The following ARSJ variants were observed in gnomAD, a reference collection of about 807,000 sequenced individuals.
The protein encoded by ARSJ is arylsulfatase family member J.
In ARSJ, 26 loss-of-function variants were observed where a neutral mutation model predicts 35.9. The ratio of observed to expected loss-of-function variants is 0.72; its 90% CI spans 0.53 to 1.00. The LOEUF (loss-of-function observed/expected upper bound fraction) is 1.00. ARSJ is among the 50% of genes least tolerant of loss of function. The probability of loss-of-function intolerance (pLI) is 0.00; values close to 1 mark genes in which losing one functional copy is unlikely to be tolerated. For missense variants in ARSJ, 667 were observed against 723.6 expected (o/e 0.92, Z 0.90); for synonymous variants, 294 against 267.6 (o/e 1.10, Z -0.96).
rs1723369082 is a variant in ARSJ at position 113,917,259 on chromosome 4, T to C, written c.399-13584A>G. Among the ~76,000 whole-genome samples the C allele has an allele frequency of 2.0e-5, 3 of 152,226 alleles. No individual in the cohort carries two copies. In the South Asian group the frequency reaches 6.2e-4, roughly 32 times the overall value. ...TCCTGTACCAATGAGAGGAATCATG[T>C]GTCCTCATGGTATGCCTTGCCTGCC... On this transcript the variant is annotated intron_variant, in intron 1 of 1. Coordinates refer to ENST00000315366, the MANE Select transcript of ARSJ (RefSeq NM_024590.4).
intron 1 of ARSJ, among the ~76,000 whole-genome samples, chr4:113,969,751 C>G (rs1727125613): frequency 6.6e-6 from 1 of 152,182 alleles, no homozygotes. Flanking sequence ...TATTTCTTCT[C>G]AATCACATTG....
intron 1 of ARSJ, among the ~76,000 whole-genome samples, chr4:113,935,965 C>T (rs1373016758): frequency 6.6e-6 from 1 of 151,906 alleles, no homozygotes; most frequent in Non-Finnish European, 1.5e-5. Context: ...TAAATATATG[C>T]AGAAGTGAAG....
chr4:113,914,717 A>G (rs746961314), intron 1 of ARSJ, among the ~76,000 whole-genome samples: 8 of 152,348 alleles, frequency 5.3e-5, no homozygotes, highest in Non-Finnish European at 1.2e-4. Flanking sequence ...AGAAAAAATT[A>G]TCACAAGTCT....
intron 1 of ARSJ, among the ~76,000 whole-genome samples, chr4:113,927,961 A>G (rs1201795551): frequency 6.6e-6 from 1 of 152,148 alleles, no homozygotes; most frequent in Non-Finnish European, 1.5e-5. Flanking sequence ...CCTACCAGTC[A>G]GGAAGCCAAT....
At chr4:113,911,142 G>A (rs760818243) in intron 1 of ARSJ, among the ~76,000 whole-genome samples, 4 of 152,176 alleles carry the variant, frequency 2.6e-5, no homozygotes, top group Non-Finnish European at 4.4e-5. Flanking sequence ...GTTTCAGTGA[G>A]AGAAGCAGAA....
In ARSJ at chr4:113,963,875, A is replaced by T. The variant is rs76725750; in HGVS notation, c.398+14562T>A. On this transcript the variant is annotated intron_variant, in intron 1 of 1. Transcript: ENST00000315366. Reference sequence around the variant, plus strand: ...TAACCTTGGGAGTTTCCTTTATGTAATTAAGAAATAATCACACTCAGCTAC... The same window carrying T: ...TAACCTTGGGAGTTTCCTTTATGTATTTAAGAAATAATCACACTCAGCTAC... Among the ~76,000 whole-genome samples, 1,940 of 152,186 alleles carry T rather than the reference A, an allele frequency of 0.013. 104 individuals carry two copies. In the East Asian group the frequency reaches 0.15, roughly 11 times the overall value.
chr4:113,911,114 T>C (rs144814301), intron 1 of ARSJ, among the ~76,000 whole-genome samples: 273 of 152,052 alleles, frequency 1.8e-3, no homozygotes, highest in Non-Finnish European at 3.2e-3. Context: ...AGGTGAAGAG[T>C]TGAAGGGAAG....
At chr4:113,924,079 AT>A (rs1562345677) in intron 1 of ARSJ, among the ~76,000 whole-genome samples, 19 of 118,498 alleles carry the variant, frequency 1.6e-4, no homozygotes, top group Admixed American at 4.2e-4. Context: ...ATATATAAAT[AT>A]ATATATATAT....
At chr4:113,972,889 T>C (rs978018560) in intron 1 of ARSJ, among the ~76,000 whole-genome samples, 1 of 152,212 alleles carries the variant, frequency 6.6e-6, no homozygotes, top group South Asian at 2.1e-4. Context: ...GGTGCTCTCT[T>C]AGTTTCTCAC....
intron 1 of ARSJ, among the ~76,000 whole-genome samples, chr4:113,918,895 T>G (rs964037623): frequency 6.6e-6 from 1 of 152,048 alleles, no homozygotes; most frequent in Non-Finnish European, 1.5e-5. Flanking sequence ...CAGGCTTAAG[T>G]GATCCTCTCA....
chr4:113,953,051 T>A lies in ARSJ; in HGVS notation c.398+25386A>T, dbSNP rs1473262798. Among the ~76,000 whole-genome samples the A allele has an allele frequency of 2.6e-5, 4 of 152,088 alleles. No individual in the cohort carries two copies. In the East Asian group the frequency reaches 7.7e-4, roughly 29 times the overall value. ...ATTATCTCCCATTCTTGGAACAAGC[T>A]TTGGAAAGTAATATTTTCCCCATTT... On this transcript the variant is annotated intron_variant, in intron 1 of 1. Transcript: ENST00000315366.
At chr4:113,906,611 T>C in intron 1 of ARSJ, 4 of 337,360 alleles carry the variant, frequency 1.2e-5, no homozygotes, top group South Asian at 7.4e-5. Flanking sequence ...TAGGAGGAAG[T>C]TTCAGGTAAT....
At chr4:113,912,398 A>G (rs1033401493) in intron 1 of ARSJ, among the ~76,000 whole-genome samples, 3 of 152,196 alleles carry the variant, frequency 2.0e-5, no homozygotes, top group Admixed American at 2.0e-4. Flanking sequence ...GCTATTCTTT[A>G]GTAGAATGGT....
intron 1 of ARSJ, among the ~76,000 whole-genome samples, chr4:113,927,134 C>T (rs1025727790): frequency 2.6e-5 from 4 of 152,094 alleles, no homozygotes; most frequent in Admixed American, 6.6e-5. Flanking sequence ...AGGAATGTGT[C>T]GCCTCAAAAA....
intron 1 of ARSJ, among the ~76,000 whole-genome samples, chr4:113,949,963 G>A (rs1205731726): frequency 6.6e-6 from 1 of 152,070 alleles, no homozygotes; most frequent in African/African-American, 2.4e-5. Flanking sequence ...TAAAAGAGGT[G>A]TTGGAGATGT....
intron 1 of ARSJ, among the ~76,000 whole-genome samples, chr4:113,909,247 A>C (rs1216061306): frequency 9.2e-5 from 14 of 152,188 alleles, no homozygotes; most frequent in Non-Finnish European, 2.1e-4. Flanking sequence ...TAGAATTAGG[A>C]CTAATGGTCA....
In ARSJ at chr4:113,900,632, C is replaced by T. The variant is rs1045713871; in HGVS notation, c.*1642G>A. 7 of 152,124 alleles carry T rather than the reference C, an allele frequency of 4.6e-5. No individual in the cohort carries two copies. The highest frequency in any genetic ancestry group is 1.7e-4 in the African/African-American group (7 of 41,414). 9.4% of individuals were successfully genotyped at this position (152,124 alleles called of 1,614,324 possible). ...TACCACCACACACATTTTCAGATCA[C>T]AGTTATAACTTCAAAGATCATAATT... On this transcript the variant is annotated 3_prime_UTR_variant, in exon 2 of 2. Transcript: ENST00000315366.
At chr4:113,914,765 A>G (rs1723185197) in intron 1 of ARSJ, among the ~76,000 whole-genome samples, 1 of 152,230 alleles carries the variant, frequency 6.6e-6, no homozygotes, top group African/African-American at 2.4e-5. Flanking sequence ...TGTACTGCGG[A>G]GAAACATAAA....
intron 1 of ARSJ, among the ~76,000 whole-genome samples, chr4:113,952,991 T>C (rs1725955945): frequency 6.6e-6 from 1 of 152,108 alleles, no homozygotes; most frequent in Non-Finnish European, 1.5e-5. Context: ...TTACAATTTA[T>C]TGACTGTCTA....
Sources: allele counts gnomAD v4.1 joint callset (sites outside exome capture counted in the v4.1 genomes callset), GRCh38; gene constraint gnomAD v4.1.1; transcripts MANE v1.5; gene names NCBI Gene and HGNC (gene_info 2026-07-23, HGNC 2026-07-21).